CA8: variants seen among roughly 807,000 people sequenced by gnomAD.
CA8 encodes carbonic anhydrase-related protein.
In CA8, 22 loss-of-function variants were observed where a neutral mutation model predicts 41.4. The ratio of observed to expected loss-of-function variants is 0.53; its 90% CI spans 0.38 to 0.76. The LOEUF is 0.76. Ranked by LOEUF, CA8 falls within the 30% of genes least tolerant of loss-of-function variation. The pLI, the probability that CA8 is intolerant of heterozygous loss-of-function variation, is 0.00. For missense variants in CA8, 270 were observed against 352.8 expected, an observed-to-expected ratio of 0.77 and a Z score of 1.88; for synonymous variants, 121 against 130.6, an observed-to-expected ratio of 0.93 and a Z score of 0.50.
chr8:60,270,822 T>C lies in CA8; in HGVS notation c.293-4773A>G, dbSNP rs532976825. Among the ~76,000 whole-genome samples, 20 of 152,366 alleles carry C rather than the reference T, an allele frequency of 1.3e-4. No homozygotes were observed. In the South Asian group the frequency reaches 4.1e-3, roughly 32 times the overall value. ...CTTCCCCAAAATAGTATCATTTAGT[T>C]CTTTTTTTAACATTTGAGGCCTTAA... On this transcript the variant is annotated intron_variant, in intron 2 of 8. Transcript: ENST00000317995.
intron 7 of CA8, among the ~76,000 whole-genome samples, chr8:60,212,784 T>A (rs1279121022): frequency 6.6e-6 from 1 of 152,210 alleles, no homozygotes. Flanking sequence ...AGATGGTAGA[T>A]CTTATGTTAA....
intron 8 of CA8, among the ~76,000 whole-genome samples, chr8:60,194,864 C>T (rs986159110): frequency 1.3e-5 from 2 of 152,114 alleles, no homozygotes; most frequent in Non-Finnish European, 2.9e-5. Flanking sequence ...AAAAAAAAAT[C>T]TCTTTCCTGT....
At chr8:60,196,158 TTAA>T (rs1259098649) in intron 8 of CA8, among the ~76,000 whole-genome samples, 8 of 152,056 alleles carry the variant, frequency 5.3e-5, no homozygotes, top group African/African-American at 1.9e-4. Context: ...TATATAAAGG[TTAA>T]TAAGCAAGCC....
chr8:60,254,320 T>C (rs1808549885), intron 3 of CA8, among the ~76,000 whole-genome samples: 2 of 152,068 alleles, frequency 1.3e-5, no homozygotes, highest in Admixed American at 6.5e-5. Flanking sequence ...CCACAGAACA[T>C]CCCATTGCAG....
chr8:60,259,307 A>G (rs1031070660), intron 3 of CA8, among the ~76,000 whole-genome samples: 2 of 152,214 alleles, frequency 1.3e-5, no homozygotes, highest in African/African-American at 2.4e-5. Context: ...CAGTATCTAT[A>G]ACCTTACCCA....
At chr8:60,220,876 T>A (rs191397605) in intron 7 of CA8, among the ~76,000 whole-genome samples, 2 of 152,144 alleles carry the variant, frequency 1.3e-5, no homozygotes, top group Non-Finnish European at 2.9e-5. Context: ...AAGATCCCTG[T>A]TGAGATCCTT....
chr8:60,276,873 C>T (rs925304923), intron 2 of CA8, among the ~76,000 whole-genome samples: 1 of 152,118 alleles, frequency 6.6e-6, no homozygotes, highest in Non-Finnish European at 1.5e-5. Flanking sequence ...AATCCCAGCA[C>T]TTTGGGAGGC....
At chr8:60,277,522 T>C (rs1199023237) in intron 2 of CA8, among the ~76,000 whole-genome samples, 2 of 152,040 alleles carry the variant, frequency 1.3e-5, no homozygotes, top group African/African-American at 4.8e-5. Flanking sequence ...CCCAGCTAAT[T>C]TTTGGATTTT....
At chr8:60,211,251 C>A (rs1806825490) in intron 7 of CA8, among the ~76,000 whole-genome samples, 1 of 152,226 alleles carries the variant, frequency 6.6e-6, no homozygotes, top group Admixed American at 6.5e-5. Context: ...AATACTAGCA[C>A]TTCTATTGCA....
Position 60,212,408 on chromosome 8 carries a change from T to G in CA8, c.739-3489A>C, listed in dbSNP as rs536523695. ...AACACATAAAAGTCAGTATGCTCTA[T>G]CCATTAACCCATCTATGGACATTTA... On this transcript the variant is annotated intron_variant, in intron 7 of 8. Transcript: ENST00000317995. Among the ~76,000 whole-genome samples the G allele has an allele frequency of 4.6e-5, 7 of 152,344 alleles. No homozygotes were observed. In the East Asian group the frequency reaches 1.3e-3, roughly 29 times the overall value.
At position 60,235,704 on chromosome 8, in the gene CA8, T is replaced by A. The variant is rs146392670; in HGVS notation, c.418-3325A>T. On this transcript the variant is annotated intron_variant, in intron 3 of 8. Coordinates refer to ENST00000317995, the MANE Select transcript of CA8 (RefSeq NM_004056.6). ...TTTTGAAGGACTAACAGTACCTTAG[T>A]GGGTAGCTAGAGGGTACATAAGTCT... 8.3e-4 allele frequency among the ~76,000 whole-genome samples: 126 copies of A among 152,262 alleles called. 1 individual carries two copies. The highest frequency in any genetic ancestry group is 2.7e-3 in the African/African-American group (113 of 41,544).
chr8:60,199,113 T>C (rs1292447946), intron 8 of CA8, among the ~76,000 whole-genome samples: 3 of 152,140 alleles, frequency 2.0e-5, no homozygotes, highest in Non-Finnish European at 4.4e-5. Flanking sequence ...CAACCAGTTA[T>C]ATTCATGAAA....
At chr8:60,253,717 A>G (rs1641855232) in intron 3 of CA8, among the ~76,000 whole-genome samples, 1 of 152,186 alleles carries the variant, frequency 6.6e-6, no homozygotes, top group Admixed American at 6.5e-5. Flanking sequence ...TGAGGAGACC[A>G]GCATTTCTGC....
chr8:60,186,364 G>T lies in CA8; in HGVS notation c.*3657C>A, dbSNP rs891531007. 2.0e-5 allele frequency among the ~76,000 whole-genome samples: 3 copies of T among 151,300 alleles called. No individual in the cohort carries two copies. The highest frequency in any genetic ancestry group is 7.3e-5 in the African/African-American group (3 of 41,196). On this transcript the variant is annotated 3_prime_UTR_variant, in exon 9 of 9. Coordinates refer to ENST00000317995, the MANE Select transcript of CA8 (RefSeq NM_004056.6). ...GATTCTGATAAATTAACAAGTATAT[G>T]ATATGCCCTTTAGCAACCACTGTGA...
At chr8:60,244,132 C>T (rs1171020504) in intron 3 of CA8, among the ~76,000 whole-genome samples, 1 of 152,214 alleles carries the variant, frequency 6.6e-6, no homozygotes, top group East Asian at 1.9e-4. Context: ...GAAATCTCTT[C>T]CATCATCCTC....
At chr8:60,245,260 G>A (rs1004237915) in intron 3 of CA8, among the ~76,000 whole-genome samples, 5 of 151,758 alleles carry the variant, frequency 3.3e-5, no homozygotes, top group Admixed American at 1.3e-4. Context: ...AAAGGCACAT[G>A]TAACCAGAAT....
chr8:60,212,470 T>A (rs1806870754), intron 7 of CA8, among the ~76,000 whole-genome samples: 1 of 152,136 alleles, frequency 6.6e-6, no homozygotes, highest in African/African-American at 2.4e-5. Flanking sequence ...AACATGGGAG[T>A]GCAGGTATCT....
chr8:60,254,849 ATTAT>A (rs1269769318), intron 3 of CA8, among the ~76,000 whole-genome samples: 1 of 152,224 alleles, frequency 6.6e-6, no homozygotes, highest in Non-Finnish European at 1.5e-5. Flanking sequence ...CTACTGCTAA[ATTAT>A]TTTAGAAAGT....
chr8:60,270,783 TG>T (rs1406729733), intron 2 of CA8, among the ~76,000 whole-genome samples: 2 of 152,262 alleles, frequency 1.3e-5, no homozygotes, highest in Non-Finnish European at 2.9e-5. Context: ...GAAATTCCAA[TG>T]TTATCTCTAA....
Sources: gnomAD v4.1 joint callset for allele counts (sites outside exome capture counted in the v4.1 genomes callset) on GRCh38, gnomAD v4.1.1 for gene constraint, MANE v1.5 for transcripts, NCBI Gene and HGNC (gene_info 2026-07-23, HGNC 2026-07-21) for gene names.